RNLS: variants seen among roughly 807,000 people sequenced by gnomAD.
RNLS encodes the protein renalase.
RNLS carries 39 observed loss-of-function variants against 39.8 expected under a neutral mutation model. The ratio of observed to expected loss-of-function variants is 0.98; its 90% confidence interval spans 0.76 to 1.28. The LOEUF is 1.28. RNLS is among the 50% of genes most tolerant of loss of function. RNLS has a pLI of 0.00. For synonymous variants in RNLS, 147 were observed against 150.7 expected, an observed-to-expected ratio of 0.98 and a Z score of 0.18; for missense variants, 410 against 413.3, an observed-to-expected ratio of 0.99 and a Z score of 0.07.
intron 4 of RNLS, among the ~76,000 whole-genome samples, chr10:88,407,976 T>TAA (rs1224877477): frequency 2.0e-5 from 3 of 152,116 alleles, no homozygotes; most frequent in East Asian, 3.9e-4. Flanking sequence ...AATGTACTTG[T>TAA]CTTTACCCCC....
At chr10:88,351,143 G>A (rs1589619841) in intron 5 of RNLS, among the ~76,000 whole-genome samples, 1 of 152,052 alleles carries the variant, frequency 6.6e-6, no homozygotes, top group Non-Finnish European at 1.5e-5. Flanking sequence ...TTTGTCAGAT[G>A]AGTAGATTGC....
chr10:88,379,700 T>C (rs1054140345), intron 4 of RNLS, among the ~76,000 whole-genome samples: 1 of 151,986 alleles, frequency 6.6e-6, no homozygotes, highest in Non-Finnish European at 1.5e-5. Context: ...ACTAAGAGGG[T>C]CTGTGGTTAA....
chr10:88,436,035 G>A (rs1841391854), intron 4 of RNLS, among the ~76,000 whole-genome samples: 2 of 152,112 alleles, frequency 1.3e-5, no homozygotes, highest in Admixed American at 6.5e-5. Context: ...AGGAGCCAGG[G>A]AAGTGGGATG....
At chr10:88,208,594 T>C in the RNLS span, among the ~76,000 whole-genome samples, 12 of 152,220 alleles carry the variant, frequency 7.9e-5, no homozygotes, top group South Asian at 2.3e-3. Context: ...GCAAAGGTAA[T>C]ATTTCAATTT....
intron 5 of RNLS, among the ~76,000 whole-genome samples, chr10:88,352,324 T>C (rs1589623389): frequency 6.6e-6 from 1 of 152,334 alleles, no homozygotes; most frequent in African/African-American, 2.4e-5. Flanking sequence ...CAGGATGATA[T>C]TGGTTGTGGG....
At chr10:88,212,490 A>G in the RNLS span, among the ~76,000 whole-genome samples, 21 of 152,224 alleles carry the variant, frequency 1.4e-4, no homozygotes, top group Admixed American at 1.4e-3. Context: ...TAATTCACTC[A>G]TTCATTTATC....
the RNLS span, among the ~76,000 whole-genome samples, chr10:88,256,487 G>T: frequency 2.0e-5 from 3 of 152,206 alleles, no homozygotes; most frequent in African/African-American, 7.2e-5. Context: ...CGGGAACTCG[G>T]CCTGAAAACC....
At chr10:88,241,567 C>CT in the RNLS span, among the ~76,000 whole-genome samples, 1 of 152,136 alleles carries the variant, frequency 6.6e-6, no homozygotes, top group East Asian at 1.9e-4. Flanking sequence ...CATCTACTTA[C>CT]TTTTTTTGAA....
At chr10:88,523,287 C>T (rs745354) in intron 4 of RNLS, among the ~76,000 whole-genome samples, 55,745 of 151,932 alleles carry the variant, frequency 0.37, 11,499 homozygotes, top group African/African-American at 0.56. Context: ...TTCCATGCAT[C>T]CCACTGTGCC....
At chr10:88,468,250 T>C (rs1843322838) in intron 4 of RNLS, among the ~76,000 whole-genome samples, 2 of 152,184 alleles carry the variant, frequency 1.3e-5, no homozygotes, top group African/African-American at 4.8e-5. Flanking sequence ...CAAAGAAAAA[T>C]GATTTTACCA....
intron 4 of RNLS, among the ~76,000 whole-genome samples, chr10:88,490,474 T>C (rs1229091929): frequency 6.6e-6 from 1 of 152,166 alleles, no homozygotes; most frequent in African/African-American, 2.4e-5. Flanking sequence ...CGAAATCAGA[T>C]AATACAGAAA....
chr10:88,259,118 A>C, the RNLS span: 1 of 152,332 alleles, frequency 6.6e-6, no homozygotes, highest in African/African-American at 2.4e-5. Flanking sequence ...CAACAAAGAC[A>C]CTGGTTTAGA....
At chr10:88,315,287 C>T (rs554915780) in intron 5 of RNLS, among the ~76,000 whole-genome samples, 1 of 152,176 alleles carries the variant, frequency 6.6e-6, no homozygotes, top group East Asian at 1.9e-4. Flanking sequence ...GATTTTTTTG[C>T]TGTCTGTTCG....
chr10:88,241,145 G>C, the RNLS span, among the ~76,000 whole-genome samples: 1 of 149,972 alleles, frequency 6.7e-6, no homozygotes, highest in Non-Finnish European at 1.5e-5. Flanking sequence ...GTACTTTTCC[G>C]GGTTTGACAT....
At chr10:88,182,752 C>G in the RNLS span, among the ~76,000 whole-genome samples, 2 of 151,866 alleles carry the variant, frequency 1.3e-5, no homozygotes, top group Non-Finnish European at 2.9e-5. Flanking sequence ...TTTTGGCAAA[C>G]CAGAAACTTG....
chr10:88,392,569 A>T (rs983857333), intron 4 of RNLS, among the ~76,000 whole-genome samples: 34 of 152,248 alleles, frequency 2.2e-4, no homozygotes, highest in African/African-American at 7.7e-4. Context: ...ACACTAAGTC[A>T]GCTATCAGAG....
chr10:88,224,147 A>T, the RNLS span, among the ~76,000 whole-genome samples: 3 of 152,156 alleles, frequency 2.0e-5, no homozygotes, highest in African/African-American at 7.2e-5. Flanking sequence ...TGGGTAATTT[A>T]TAAATAATAG....
chr10:88,379,287 TA>T (rs1398896194), intron 4 of RNLS, among the ~76,000 whole-genome samples: 2 of 152,236 alleles, frequency 1.3e-5, no homozygotes, highest in Non-Finnish European at 2.9e-5. Context: ...AATGGATTGC[TA>T]TTTAAGCAGA....
chr10:88,500,134 C>T (rs1355004147), intron 4 of RNLS, among the ~76,000 whole-genome samples: 5 of 152,012 alleles, frequency 3.3e-5, no homozygotes, highest in Admixed American at 3.3e-4. Context: ...TGTCAATGCA[C>T]CAAACGGAAG....
Sources: gnomAD v4.1 joint callset for allele counts (sites outside exome capture counted in the v4.1 genomes callset) on GRCh38, gnomAD v4.1.1 for gene constraint, MANE v1.5 for transcripts, NCBI Gene and HGNC (gene_info 2026-07-23, HGNC 2026-07-21) for gene names.